Variants in PHTF1 observed in about 807,000 individuals in gnomAD.
PHTF1 encodes protein PHTF1.
A neutral mutation model predicts 102.4 loss-of-function variants in PHTF1; 88 were observed. The ratio of observed to expected loss-of-function variants is 0.86; its 90% CI spans 0.72 to 1.03. PHTF1 has a LOEUF of 1.03. PHTF1 is among the 50% of genes least tolerant of loss of function. PHTF1 has a pLI of 0.00. For synonymous variants in PHTF1, 289 were observed against 305.2 expected (o/e 0.95, Z 0.55); for missense variants, 814 against 909.5 (o/e 0.89, Z 1.35).
intron 3 of PHTF1, chr1:113,747,074 G>A (rs1289093477): frequency 2.0e-5 from 3 of 152,194 alleles, no homozygotes; most frequent in Non-Finnish European, 1.5e-5. Context: ...GATCAATTGT[G>A]TGTGTTGCTT....
Position 113,705,920 on chromosome 1 carries a change from C to A in PHTF1, c.1641G>T (p.Met547Ile). ...TATATGTTCTCTCTGCCACACACATCATGAAAAAAAACATCCAAGTAAGAC... is the reference window on the plus strand; with the variant it reads ...TATATGTTCTCTCTGCCACACACATAATGAAAAAAAACATCCAAGTAAGAC... ...RLCLTWMFFF[M>I]MCVAERTYKQ... The change falls in exon 13 of 19, where the codon ATG (methionine) becomes ATT (isoleucine). Residue 547 changes from methionine to isoleucine, a missense_variant. Transcript: ENST00000369604. 3.1e-6 allele frequency: 5 copies of A among 1,613,864 alleles called. No homozygotes were observed. Among genetic ancestry groups the A allele is most frequent in the Admixed American group, 1.7e-5 (1 of 60,000 alleles).
intron 11 of PHTF1, among the ~76,000 whole-genome samples, chr1:113,707,407 A>C (rs1391704831): frequency 6.6e-6 from 1 of 152,184 alleles, no homozygotes; most frequent in Non-Finnish European, 1.5e-5. Flanking sequence ...TTTCACCAAC[A>C]TGGTCCTCTC....
Position 113,727,801 on chromosome 1 carries a change from A to C in PHTF1, c.332-1227T>G, listed in dbSNP as rs1429502481. Among the ~76,000 whole-genome samples the C allele has an allele frequency of 1.3e-5, 2 of 151,936 alleles. 1 individual carries two copies. Among genetic ancestry groups the C allele is most frequent in the South Asian group, 4.1e-4 (2 of 4,822 alleles). On this transcript the variant is annotated intron_variant, in intron 5 of 18. Coordinates refer to ENST00000369604, the MANE Select transcript of PHTF1 (RefSeq NM_001323043.2). ...GGCAACACGGCAAAACCCCATCTCC[A>C]CAATACTCCAAAAAAATTAGCCAAA...
chr1:113,733,062 T>TTTTTTC (rs1654931591), intron 5 of PHTF1, among the ~76,000 whole-genome samples: 6 of 130,738 alleles, frequency 4.6e-5, no homozygotes, highest in Non-Finnish European at 9.8e-5. Context: ...CCTGGCTAAT[T>TTTTTTC]TTTTTTTTTT....
chr1:113,715,063 C>G (rs575643994), intron 7 of PHTF1: 6 of 152,266 alleles, frequency 3.9e-5, no homozygotes, highest in South Asian at 2.1e-4. Flanking sequence ...GGAGCCACAA[C>G]ATTACTGGGC....
upstream of PHTF1, among the ~76,000 whole-genome samples, chr1:113,759,819 C>G (rs990519912): frequency 4.6e-5 from 7 of 152,234 alleles, no homozygotes; most frequent in Non-Finnish European, 8.8e-5. Context: ...TCTCTGTTCC[C>G]CAGTGGGCTG....
intron 3 of PHTF1, among the ~76,000 whole-genome samples, chr1:113,751,056 G>A (rs1314720904): frequency 6.6e-6 from 1 of 152,098 alleles, no homozygotes; most frequent in Non-Finnish European, 1.5e-5. Flanking sequence ...AAGCCCAGGA[G>A]TTCAAGACCA....
At chr1:113,719,562 A>C (rs1652593738) in intron 7 of PHTF1, among the ~76,000 whole-genome samples, 1 of 152,266 alleles carries the variant, frequency 6.6e-6, no homozygotes, top group East Asian at 1.9e-4. Context: ...GTTCCCAACA[A>C]GTTCCTCATC....
Position 113,704,710 on chromosome 1 carries a change from CCTT to C in PHTF1, c.1756_1758del (p.Lys586del). The stretch of plus-strand genomic sequence containing the variant: ...GATAACCATATTTTAATATTCTCCA[CCTT>C]CTTAAGTCTGAAATGAGGTATTTCA... On this transcript the variant is annotated inframe_deletion, in exon 14 of 19. Coordinates refer to ENST00000369604, the MANE Select transcript of PHTF1 (RefSeq NM_001323043.2). 3 of 1,591,006 alleles carry C rather than the reference CCTT, an allele frequency of 1.9e-6. No homozygotes were observed. The highest frequency in any genetic ancestry group is 1.1e-5 in the South Asian group (1 of 90,194).
rs543296779 is a variant in PHTF1, at chr1:113,732,999, T to C, written c.331+5111A>G. Among the ~76,000 whole-genome samples, 5 of 151,298 alleles carry C rather than the reference T, an allele frequency of 3.3e-5. No individual in the cohort carries two copies. The South Asian group carries it at 8.4e-4, about 25-fold the overall frequency. ...GTAACTTCGAACTCCTGGGCTCAAGTGATCCTCCCACCTCAGCCTCATAGG... is the reference window on the plus strand; with the variant it reads ...GTAACTTCGAACTCCTGGGCTCAAGCGATCCTCCCACCTCAGCCTCATAGG... On this transcript the variant is annotated intron_variant, in intron 5 of 18. Coordinates refer to ENST00000369604, the MANE Select transcript of PHTF1 (RefSeq NM_001323043.2).
chr1:113,698,152 AACACACACACACACACACACACAC>A (rs59861045), intron 18 of PHTF1, 86 bp downstream of exon 18: 3 of 549,656 alleles, frequency 5.5e-6, no homozygotes, highest in Non-Finnish European at 9.3e-6. Context: ...GCATGCTAGA[AACACACACACACACACACACACAC>A]ACACACACAC....
chr1:113,754,897 A>G (rs1383597831), intron 3 of PHTF1, among the ~76,000 whole-genome samples: 2 of 152,064 alleles, frequency 1.3e-5, no homozygotes, highest in Non-Finnish European at 2.9e-5. Flanking sequence ...CTCCAATCAT[A>G]TTGGGCTACT....
intron 11 of PHTF1, among the ~76,000 whole-genome samples, chr1:113,709,411 G>C (rs1197626913): frequency 1.3e-5 from 2 of 152,088 alleles, no homozygotes; most frequent in Non-Finnish European, 2.9e-5. Context: ...CTATTTGCAA[G>C]ACAATGTGGA....
At position 113,724,771 on chromosome 1, in the gene PHTF1, A is replaced by G; in HGVS notation, c.611T>C (p.Ile204Thr). The change falls in exon 7 of 19, where the codon ATC becomes ACC. Residue 204 changes from isoleucine to threonine, a missense_variant. Transcript: ENST00000369604. ...AAAAGACTCCCACCTGTTGCCAAAG[A>G]TAGTCTCCCAAAAACCACCAATAAT... ...VPIIGGFWET[I>T]FGNRIKRVKL... The G allele has an allele frequency of 6.3e-7, 1 of 1,598,378 alleles. No homozygotes were observed.
At chr1:113,724,016 A>T (rs1420590537) in intron 7 of PHTF1, among the ~76,000 whole-genome samples, 1 of 152,226 alleles carries the variant, frequency 6.6e-6, no homozygotes, top group Non-Finnish European at 1.5e-5. Flanking sequence ...AGGTATGTGA[A>T]AAGGTACTCA....
At chr1:113,728,469 G>A (rs1654166999) in intron 5 of PHTF1, among the ~76,000 whole-genome samples, 1 of 152,196 alleles carries the variant, frequency 6.6e-6, no homozygotes, top group South Asian at 2.1e-4. Context: ...GAGAGGATAT[G>A]GAGAAAAGGG....
At chr1:113,753,799 T>C (rs1658448595) in intron 3 of PHTF1, among the ~76,000 whole-genome samples, 1 of 151,844 alleles carries the variant, frequency 6.6e-6, no homozygotes, top group Admixed American at 6.6e-5. Context: ...CTCAGTCTCC[T>C]GAGTAGCTGG....
intron 3 of PHTF1, among the ~76,000 whole-genome samples, chr1:113,744,659 A>G (rs1656928605): frequency 6.6e-6 from 1 of 152,202 alleles, no homozygotes; most frequent in African/African-American, 2.4e-5. Context: ...ATATAGCAAA[A>G]TGAGGAATCA....
intron 7 of PHTF1, among the ~76,000 whole-genome samples, chr1:113,720,718 C>T (rs1440481058): frequency 6.6e-6 from 1 of 152,146 alleles, no homozygotes; most frequent in Non-Finnish European, 1.5e-5. Context: ...GGACAGTGGC[C>T]CTCTTCTCAC....
Sources: gnomAD v4.1 joint callset for allele counts (sites outside exome capture counted in the v4.1 genomes callset) on GRCh38, gnomAD v4.1.1 for gene constraint, MANE v1.5 for transcripts, NCBI Gene and HGNC (gene_info 2026-07-23, HGNC 2026-07-21) for gene names.